The following HGD variants were observed in gnomAD, a reference collection of about 807,000 sequenced individuals.
HGD encodes the protein homogentisate oxidase.
A neutral mutation model predicts 60.8 loss-of-function variants in HGD; 61 were observed. The ratio of observed to expected loss-of-function variants is 1.00; its 90% CI spans 0.82 to 1.24. The LOEUF (loss-of-function observed/expected upper bound fraction) is 1.24. Ranked by LOEUF, HGD falls within the 50% of genes most tolerant of loss-of-function variation. The pLI, the probability that HGD is intolerant of heterozygous loss-of-function variation, is 0.00. For synonymous variants in HGD, 212 were observed against 187.7 expected (o/e 1.13, Z -1.06); for missense variants, 542 against 547.1 (o/e 0.99, Z 0.09).
At chr3:120,634,016 C>T (rs1225938525) in intron 12 of HGD, among the ~76,000 whole-genome samples, 1 of 151,702 alleles carries the variant, frequency 6.6e-6, no homozygotes, top group East Asian at 1.9e-4. Context: ...TTTATTTTTT[C>T]TAGTTCCATT....
chr3:120,630,798 T>TTATATATATA (rs61375071), intron 13 of HGD, among the ~76,000 whole-genome samples: 1,324 of 87,900 alleles, frequency 0.015, 37 homozygotes, highest in African/African-American at 0.043. Flanking sequence ...CTTAAGAGCT[T>TTATATATATA]TATATATATA....
chr3:120,638,663 G>T, intron 11 of HGD, 82 bp from the exon 12 acceptor site: 7 of 1,474,168 alleles, frequency 4.7e-6, no homozygotes, highest in Non-Finnish European at 6.6e-6. Context: ...CATACATGAA[G>T]GTGTTTGCAA....
At chr3:120,655,502 G>A (rs1041779116) in intron 4 of HGD, among the ~76,000 whole-genome samples, 3 of 152,170 alleles carry the variant, frequency 2.0e-5, no homozygotes, top group Non-Finnish European at 4.4e-5. Context: ...AGATCATACT[G>A]GGCCTGTATC....
Position 120,633,326 on chromosome 3 carries a change from T to C in HGD, c.1009A>G (p.Asn337Asp). 8 of 1,614,160 alleles carry C rather than the reference T, an allele frequency of 5.0e-6. No individual in the cohort carries two copies. The highest frequency in any genetic ancestry group is 6.8e-6 in the Non-Finnish European group (8 of 1,180,020). Reference protein sequence around the residue: ...KTFRPPYYHRNCMSEFMGLIR... With the variant: ...KTFRPPYYHRDCMSEFMGLIR... ...AGTCCCATGAACTCACTCATGCAGT[T>C]CCCTGGGAAGGTTGAAGCAGTATTA... is the stretch of plus-strand genomic sequence containing the variant. Residue 337 changes from asparagine to aspartate, a missense_variant and splice_region_variant, in exon 13 of 14, where the codon AAC becomes GAC. Around this residue, in one of 2 missense-constraint regions of HGD, gnomAD observed 537 missense variants for 529.1 expected, o/e 1.01. Coordinates refer to ENST00000283871, the MANE Select transcript of HGD (RefSeq NM_000187.4).
In HGD at chr3:120,638,537, A is replaced by G; in HGVS notation, c.924T>C (p.Pro308=). Residue 308 remains proline (P), a synonymous_variant, in exon 12 of 14, where the codon CCT becomes CCC. Transcript: ENST00000283871. ...TGACAAAATCAGCAATGGCCACTCCAGGGCGGACAGACTTAGCAGTCAATA... is the reference window on the plus strand; with the variant it reads ...TGACAAAATCAGCAATGGCCACTCCGGGGCGGACAGACTTAGCAGTCAATA... The part of the protein sequence containing the change: ...FTVLTAKSVR[P]GVAIADFVIF... The G allele has an allele frequency of 6.2e-7, 1 of 1,614,028 alleles. No homozygotes were observed. Among genetic ancestry groups the G allele is most frequent in the Non-Finnish European group, 8.5e-7 (1 of 1,179,932 alleles).
chr3:120,656,555 CT>C (rs999048289), intron 4 of HGD, among the ~76,000 whole-genome samples: 3 of 114,292 alleles, frequency 2.6e-5, no homozygotes, highest in Non-Finnish European at 4.2e-5. Flanking sequence ...TTTTTGAGAT[CT>C]TTTTTTTGGG....
In HGD at chr3:120,644,353, T is replaced by G; in HGVS notation, c.740A>C (p.Asn247Thr). 6.2e-7 allele frequency: 1 copy of G among 1,614,184 alleles called. No homozygotes were observed. Among genetic ancestry groups the G allele is most frequent in the African/African-American group, 1.3e-5 (1 of 75,058 alleles). Residue 247 changes from asparagine to threonine, a missense_variant, in exon 10 of 14, where the codon AAT (asparagine) becomes ACT (threonine). By Grantham distance (65) the Asn-to-Thr change is moderately conservative (BLOSUM62 0). Transcript: ENST00000283871. ...AGCAAACAGCTTGCCCTGGTATTTATTAATGACCGTGTAACCACCTGGTAC... is the reference window on the plus strand; with the variant it reads ...AGCAAACAGCTTGCCCTGGTATTTAGTAATGACCGTGTAACCACCTGGTAC... Reference protein sequence around the residue: ...RQVPGGYTVINKYQGKLFAAK... With the variant: ...RQVPGGYTVITKYQGKLFAAK...
At chr3:120,678,296 C>A (rs190241458) in intron 1 of HGD, among the ~76,000 whole-genome samples, 129 of 152,300 alleles carry the variant, frequency 8.5e-4, no homozygotes, top group Admixed American at 2.9e-3. Flanking sequence ...TTGGTAATAA[C>A]CCCAAATTAT....
Position 120,682,176 on chromosome 3 carries a change from G to T in HGD, c.-65C>A, listed in dbSNP as rs1708241947. 3.3e-6 allele frequency: 5 copies of T among 1,502,072 alleles called. No homozygotes were observed. The South Asian group carries it at 3.4e-5, about 10-fold the overall frequency. 93.0% of individuals were successfully genotyped at this position (1,502,072 alleles called of 1,614,324 possible). On this transcript the variant is annotated 5_prime_UTR_variant, in exon 1 of 14. Transcript: ENST00000283871. ...GGCCCAGAGGATATAAAGCCACAAT[G>T]CTTCTTTCTCCTTCAAACCACTCTT... is the stretch of plus-strand genomic sequence containing the variant.
At chr3:120,659,923 G>A (rs989804627) in intron 4 of HGD, among the ~76,000 whole-genome samples, 1 of 149,422 alleles carries the variant, frequency 6.7e-6, no homozygotes, top group African/African-American at 2.4e-5. Flanking sequence ...TCATATGATG[G>A]GAGCAGGAGC....
intron 11 of HGD, among the ~76,000 whole-genome samples, chr3:120,640,857 C>T (rs560543528): frequency 6.6e-6 from 1 of 152,266 alleles, no homozygotes; most frequent in Non-Finnish European, 1.5e-5. Flanking sequence ...AATCCTTTTG[C>T]CTCTGAGTCT....
rs535431914 is a variant in HGD at position 120,644,233 on chromosome 3, T to C, written c.774+86A>G. ...TATGATAACAACGAAAGGATATATGTAAAGTTTGTAACACTCGCCTTGGCA... is the reference window on the plus strand; with the variant it reads ...TATGATAACAACGAAAGGATATATGCAAAGTTTGTAACACTCGCCTTGGCA... On this transcript the variant is annotated intron_variant, in intron 10 of 13. Coordinates refer to ENST00000283871, the MANE Select transcript of HGD (RefSeq NM_000187.4). 28 of 1,511,444 alleles carry C rather than the reference T, an allele frequency of 1.9e-5. No homozygotes were observed. In the East Asian group the frequency reaches 5.9e-4, roughly 32 times the overall value. The allele number at this position is 1,511,444 out of a possible 1,614,324, so 93.6% of individuals were successfully genotyped here. A position where few individuals can be genotyped will look rare whatever the true frequency, so the allele number is the denominator to read the frequency against.
At chr3:120,666,206 T>G (rs1471826008) in intron 4 of HGD, among the ~76,000 whole-genome samples, 1 of 152,190 alleles carries the variant, frequency 6.6e-6, no homozygotes, top group Admixed American at 6.5e-5. Context: ...ACTGAGACGC[T>G]ATTGAATTCT....
chr3:120,665,303 G>C (rs1275659242), intron 4 of HGD, among the ~76,000 whole-genome samples: 1 of 152,188 alleles, frequency 6.6e-6, no homozygotes, highest in Non-Finnish European at 1.5e-5. Flanking sequence ...TAAGAACCAA[G>C]AGGTAATTTT....
intron 4 of HGD, among the ~76,000 whole-genome samples, chr3:120,662,848 C>T (rs1707810558): frequency 6.6e-6 from 1 of 152,176 alleles, no homozygotes; most frequent in African/African-American, 2.4e-5. Context: ...CCCTGTATTT[C>T]AGAATGTGAC....
At chr3:120,668,055 C>G (rs1012821566) in intron 4 of HGD, among the ~76,000 whole-genome samples, 1 of 151,876 alleles carries the variant, frequency 6.6e-6, no homozygotes, top group African/African-American at 2.4e-5. Flanking sequence ...GGGACTGAGT[C>G]TAAGGGGTTG....
At chr3:120,664,751 C>T (rs1196354873) in intron 4 of HGD, among the ~76,000 whole-genome samples, 2 of 152,196 alleles carry the variant, frequency 1.3e-5, no homozygotes, top group East Asian at 3.9e-4. Flanking sequence ...TTAAATTACT[C>T]TTGGTTACTG....
In HGD at chr3:120,633,318, C is replaced by A. The variant is rs139501220; in HGVS notation, c.1017G>T (p.Met339Ile). Residue 339 changes from methionine to isoleucine, a missense_variant, in exon 13 of 14, where the codon ATG (methionine) becomes ATT (isoleucine). By Grantham distance (10) the Met-to-Ile change is conservative. Transcript: ENST00000283871. Reference protein sequence around the residue: ...FRPPYYHRNCMSEFMGLIRGH... With the variant: ...FRPPYYHRNCISEFMGLIRGH... Reference sequence around the variant, plus strand: ...CTCGGATGAGTCCCATGAACTCACTCATGCAGTTCCCTGGGAAGGTTGAAG... The same window carrying A: ...CTCGGATGAGTCCCATGAACTCACTAATGCAGTTCCCTGGGAAGGTTGAAG... The A allele has an allele frequency of 2.0e-5, 32 of 1,614,068 alleles. No individual in the cohort carries two copies. The highest frequency in any genetic ancestry group is 2.6e-5 in the Non-Finnish European group (31 of 1,180,026).
Position 120,632,349 on chromosome 3 carries a change from CA to C in HGD, c.1188+797del, listed in dbSNP as rs200164360. 6.1e-3 allele frequency among the ~76,000 whole-genome samples: 932 copies of C among 152,262 alleles called. 12 individuals carry two copies. Among genetic ancestry groups the C allele is most frequent in the African/African-American group, 0.021 (873 of 41,542 alleles). On this transcript the variant is annotated intron_variant, in intron 13 of 13. Transcript: ENST00000283871. ...TAAAGCAAATTTGCATGTGATTTAG[CA>C]TAAAATTACTCCCTGTGGACCATAA...
Sources: allele counts gnomAD v4.1 joint callset (sites outside exome capture counted in the v4.1 genomes callset), GRCh38; gene constraint gnomAD v4.1.1; regional missense constraint gnomAD v4.1.1; transcripts MANE v1.5; gene names NCBI Gene and HGNC (gene_info 2026-07-23, HGNC 2026-07-21).